Variants in PNPLA1 observed in about 807,000 individuals in gnomAD.
PNPLA1 encodes the protein omega-hydroxyceramide transacylase.
PNPLA1 carries 36 observed loss-of-function variants against 51.7 expected under a neutral mutation model. The observed-to-expected ratio is 0.70, with a 90% CI of 0.53 to 0.92. The LOEUF is 0.92. Ranked by LOEUF, PNPLA1 falls within the 40% of genes least tolerant of loss-of-function variation. PNPLA1 has a pLI of 0.00. For missense variants in PNPLA1, 658 were observed against 682.5 expected (o/e 0.96, Z 0.40); for synonymous variants, 293 against 280.1 (o/e 1.05, Z -0.46).
chr6:36,312,592 A>T lies in PNPLA1; in HGVS notation c.*706A>T, dbSNP rs147201158. ...GCCGAGAGAGAGAACGGGAGCTGGA[A>T]CGGGAGAGAACCTGAGGACCCTGAG... is the stretch of plus-strand genomic sequence containing the variant. On this transcript the variant is annotated 3_prime_UTR_variant, in exon 9 of 9. Transcript: ENST00000636260. Among the ~76,000 whole-genome samples, 45 of 152,280 alleles carry T rather than the reference A, an allele frequency of 3.0e-4. 1 individual carries two copies. The East Asian group carries it at 7.1e-3, about 24-fold the overall frequency.
At position 36,294,101 on chromosome 6, in the gene PNPLA1, G is replaced by C; in HGVS notation, c.505-89G>C. 6.9e-7 allele frequency: 1 copy of C among 1,449,322 alleles called. No individual in the cohort carries two copies. Among genetic ancestry groups the C allele is most frequent in the Non-Finnish European group, 9.4e-7 (1 of 1,059,856 alleles). The allele number at this position is 1,449,322 out of a possible 1,614,324, so 89.8% of individuals were successfully genotyped here. Reference sequence around the variant, plus strand: ...CTTCCTTGATGGGCCCTTGAAGCTGGTGCCATATCCCATGGGCCATTTCGA... The same window carrying C: ...CTTCCTTGATGGGCCCTTGAAGCTGCTGCCATATCCCATGGGCCATTTCGA... On this transcript the variant is annotated intron_variant, in intron 3 of 8. Coordinates refer to ENST00000636260, the MANE Select transcript of PNPLA1 (RefSeq NM_001374623.1). This position sits in a 1 kb window ranked among gnomAD's most constrained non-coding sequence, Gnocchi z 4.2.
chr6:36,282,741 A>G (rs1770357677), intron 1 of PNPLA1, among the ~76,000 whole-genome samples: 1 of 152,178 alleles, frequency 6.6e-6, no homozygotes. Context: ...GCTGGAGTGC[A>G]GTGACAAGAT....
chr6:36,256,123 T>C, intron 1 of PNPLA1, among the ~76,000 whole-genome samples: 1 of 126,050 alleles, frequency 7.9e-6, no homozygotes, highest in East Asian at 2.3e-4. Context: ...ATGATGCAGA[T>C]TTTTAAGGCA....
intron 6 of PNPLA1, among the ~76,000 whole-genome samples, chr6:36,303,302 C>A (rs893741117): frequency 1.3e-5 from 2 of 152,124 alleles, no homozygotes; most frequent in Non-Finnish European, 2.9e-5. Context: ...ACTGTGTTAG[C>A]CAGGATGGTC....
At chr6:36,307,784 G>A (rs552936728) in intron 8 of PNPLA1, 72 bp downstream of exon 8, 14 of 1,573,590 alleles carry the variant, frequency 8.9e-6, no homozygotes, top group Middle Eastern at 1.7e-4. Context: ...GAGAGATTCC[G>A]AGGAATAGAG....
intron 1 of PNPLA1, among the ~76,000 whole-genome samples, chr6:36,286,740 G>A (rs754288719): frequency 2.0e-5 from 3 of 152,120 alleles, no homozygotes; most frequent in Non-Finnish European, 4.4e-5. Flanking sequence ...GTGCAGTGGT[G>A]CAATCATGGC....
At chr6:36,306,511 C>T in intron 7 of PNPLA1, 135 bp downstream of exon 7, 2 of 755,386 alleles carry the variant, frequency 2.6e-6, no homozygotes, top group Admixed American at 2.7e-5. Context: ...TGTGTGATTC[C>T]AGGTCCACCC....
chr6:36,291,601 G>A, intron 2 of PNPLA1, 49 bp downstream of exon 2: 1 of 1,189,812 alleles, frequency 8.4e-7, no homozygotes. Flanking sequence ...GCGGGGGAGG[G>A]CGGCTCCTGC....
At chr6:36,299,338 T>G (rs1181002404) in intron 5 of PNPLA1, among the ~76,000 whole-genome samples, 1 of 145,990 alleles carries the variant, frequency 6.8e-6, no homozygotes, top group African/African-American at 2.6e-5. Context: ...TTTGTCTGTT[T>G]TTTTTTTTTT....
chr6:36,294,853 A>C lies in PNPLA1; in HGVS notation c.714+454A>C, dbSNP rs1582085589. On this transcript the variant is annotated intron_variant, in intron 4 of 8. Coordinates refer to ENST00000636260, the MANE Select transcript of PNPLA1 (RefSeq NM_001374623.1). The surrounding 1 kb of genome is among the most constrained non-coding windows in gnomAD (Gnocchi z 4.2). ...CATTAGGCAGAGACTGCATGTGGCC[A>C]GCAAAGCCCAAAATAAGTATTTACT... Among the ~76,000 whole-genome samples the C allele has an allele frequency of 6.6e-6, 1 of 152,258 alleles. No individual in the cohort carries two copies.
intron 1 of PNPLA1, among the ~76,000 whole-genome samples, chr6:36,253,278 C>T (rs1238775764): frequency 6.6e-6 from 1 of 152,184 alleles, no homozygotes; most frequent in African/African-American, 2.4e-5. Context: ...CTCAACATAG[C>T]ATTGGGTGGA....
At chr6:36,272,413 C>T (rs1188145450) in intron 1 of PNPLA1, among the ~76,000 whole-genome samples, 1 of 152,216 alleles carries the variant, frequency 6.6e-6, no homozygotes, top group Admixed American at 6.5e-5. Context: ...ACAGAAGAAG[C>T]TTCACCTGCT....
upstream of PNPLA1, among the ~76,000 whole-genome samples, chr6:36,267,794 A>T (rs1468452820): frequency 6.6e-6 from 1 of 151,260 alleles, no homozygotes; most frequent in Non-Finnish European, 1.5e-5. Flanking sequence ...TGCCCCCCCC[A>T]TGGATAGTGC....
intron 1 of PNPLA1, among the ~76,000 whole-genome samples, chr6:36,254,210 T>G (rs1275496027): frequency 1.3e-5 from 2 of 152,246 alleles, no homozygotes; most frequent in Non-Finnish European, 2.9e-5. Context: ...TCTGTTCTTT[T>G]CTGACTAATC....
At chr6:36,297,805 G>A (rs971133056) in intron 5 of PNPLA1, among the ~76,000 whole-genome samples, 4 of 151,648 alleles carry the variant, frequency 2.6e-5, no homozygotes, top group South Asian at 2.1e-4. Context: ...CCTCTCTTCC[G>A]CCCTCCTCCC....
chr6:36,269,388 C>A (rs769314459), upstream of PNPLA1, among the ~76,000 whole-genome samples: 1 of 152,210 alleles, frequency 6.6e-6, no homozygotes. Flanking sequence ...GCCCCTGGAG[C>A]TAACCCTGGT....
chr6:36,265,233 T>G (rs1166546882), upstream of PNPLA1, among the ~76,000 whole-genome samples: 3 of 152,096 alleles, frequency 2.0e-5, no homozygotes, highest in East Asian at 5.8e-4. Context: ...CCCAGCTACT[T>G]GGGAGGCTGA....
At chr6:36,282,910 C>T (rs1215966750) in intron 1 of PNPLA1, among the ~76,000 whole-genome samples, 1 of 152,152 alleles carries the variant, frequency 6.6e-6, no homozygotes, top group African/African-American at 2.4e-5. Flanking sequence ...GTCTTGAACC[C>T]CTGACCTCGT....
intron 5 of PNPLA1, among the ~76,000 whole-genome samples, chr6:36,300,174 T>TGAGAGAGAGAGAGA (rs1451824406): frequency 1.4e-5 from 1 of 71,448 alleles, no homozygotes; most frequent in African/African-American, 3.9e-5. Context: ...TGTGTGTGTG[T>TGAGAGAGAGAGAGA]GTGTGAGAGA....
Sources: gnomAD v4.1 joint callset for allele counts (sites outside exome capture counted in the v4.1 genomes callset) on GRCh38, gnomAD v4.1.1 for gene constraint, Gnocchi (gnomAD v3.1) non-coding constraint, MANE v1.5 for transcripts, NCBI Gene and HGNC (gene_info 2026-07-23, HGNC 2026-07-21) for gene names.